Variants in SLC12A8 observed in about 807,000 individuals in gnomAD.
SLC12A8 encodes solute carrier family 12 member 8.
Under a neutral mutation model 75.6 loss-of-function variants are expected in SLC12A8, and 69 were observed. That is an observed-to-expected ratio of 0.91 (90% confidence interval 0.75 to 1.11). SLC12A8 has a LOEUF of 1.11. SLC12A8 is among the 50% of genes most tolerant of loss of function. The pLI, the probability that SLC12A8 is intolerant of heterozygous loss-of-function variation, is 0.00. For synonymous variants in SLC12A8, 365 were observed against 372.8 expected (o/e 0.98, Z 0.24); for missense variants, 877 against 896.7 (o/e 0.98, Z 0.28).
intron 3 of SLC12A8, among the ~76,000 whole-genome samples, chr3:125,189,355 A>G (rs1934863041): frequency 6.6e-6 from 1 of 152,162 alleles, no homozygotes; most frequent in Non-Finnish European, 1.5e-5. Context: ...GAGAATCCTG[A>G]CTAGTAGATT....
At chr3:125,133,362 C>G (rs80310502) in intron 6 of SLC12A8, among the ~76,000 whole-genome samples, 3 of 126,786 alleles carry the variant, frequency 2.4e-5, no homozygotes, top group African/African-American at 8.2e-5. Context: ...CACACACACA[C>G]GCACACACAC....
intron 13 of SLC12A8, among the ~76,000 whole-genome samples, chr3:125,086,429 G>A (rs116654019): frequency 6.6e-6 from 1 of 152,072 alleles, no homozygotes; most frequent in Non-Finnish European, 1.5e-5. Flanking sequence ...GACCTCCAAG[G>A]TGAAATCCTA....
At position 125,134,451 on chromosome 3, in the gene SLC12A8, C is replaced by T. The variant is rs140640900; in HGVS notation, c.736+1218G>A. On this transcript the variant is annotated intron_variant, in intron 6 of 13. Coordinates refer to ENST00000469902, the MANE Select transcript of SLC12A8 (RefSeq NM_024628.6). ...TATTGAGTGGTTTTCTATTGTGTGGCTACATCATAGTTTATTTATGCACTC... is the reference window on the plus strand; with the variant it reads ...TATTGAGTGGTTTTCTATTGTGTGGTTACATCATAGTTTATTTATGCACTC... 1.3e-3 allele frequency among the ~76,000 whole-genome samples: 199 copies of T among 152,252 alleles called. 2 individuals carry two copies. The highest frequency in any genetic ancestry group is 3.9e-4 in the East Asian group (2 of 5,188).
chr3:125,110,138 T>C (rs747098760), intron 9 of SLC12A8, 51 bp downstream of exon 9: 10 of 1,580,920 alleles, frequency 6.3e-6, no homozygotes, highest in Non-Finnish European at 8.6e-6. Context: ...ACAGTGAGGT[T>C]AGCAGCAAAA....
At chr3:125,107,440 T>C (rs776240531) in intron 10 of SLC12A8, 41 bp downstream of exon 10, 11 of 1,547,060 alleles carry the variant, frequency 7.1e-6, no homozygotes, top group Admixed American at 3.7e-5. Flanking sequence ...TCAGTGGTCA[T>C]CCCCAAATAA....
At chr3:125,144,379 G>A (rs1388773688) in intron 5 of SLC12A8, among the ~76,000 whole-genome samples, 1 of 152,200 alleles carries the variant, frequency 6.6e-6, no homozygotes, top group Non-Finnish European at 1.5e-5. Flanking sequence ...GTCCAAGGCT[G>A]CAGGGAGTCT....
At chr3:125,158,750 T>C (rs1185982071) in intron 5 of SLC12A8, among the ~76,000 whole-genome samples, 2 of 152,086 alleles carry the variant, frequency 1.3e-5, no homozygotes. Flanking sequence ...AAATTCACAG[T>C]TTCTGACTGC....
rs34477615 is a variant in SLC12A8 at position 125,155,847 on chromosome 3, C to CA, written c.623-20066dup. Among the ~76,000 whole-genome samples, 202 of 101,866 alleles carry CA rather than the reference C, an allele frequency of 2.0e-3. 2 individuals are homozygous for CA. Among genetic ancestry groups the CA allele is most frequent in the African/African-American group, 4.4e-3 (112 of 25,468 alleles). 66.8% of individuals were successfully genotyped at this position (101,866 alleles called of 152,430 possible). ...CTTAATCATTATTGCTTACTCTTGC[C>CA]AAAAAAAAAAAAAAAACCCAACTTC... is the stretch of plus-strand genomic sequence containing the variant. On this transcript the variant is annotated intron_variant, in intron 5 of 13. Coordinates refer to ENST00000469902, the MANE Select transcript of SLC12A8 (RefSeq NM_024628.6).
At chr3:125,092,497 G>C (rs1249333239) in intron 10 of SLC12A8, among the ~76,000 whole-genome samples, 2 of 152,156 alleles carry the variant, frequency 1.3e-5, no homozygotes, top group Admixed American at 6.5e-5. Context: ...CTCTTTTTCA[G>C]ATGTAAGGTG....
At chr3:125,103,795 C>T (rs1303325750) in intron 10 of SLC12A8, among the ~76,000 whole-genome samples, 1 of 151,946 alleles carries the variant, frequency 6.6e-6, no homozygotes, top group Non-Finnish European at 1.5e-5. Context: ...ACTATACCCC[C>T]ACTAATTTTT....
chr3:125,108,230 A>T (rs886427908), intron 9 of SLC12A8, 104 bp from the exon 10 acceptor site: 3 of 1,109,826 alleles, frequency 2.7e-6, no homozygotes, highest in Admixed American at 2.7e-5. Flanking sequence ...TGACTCAGCC[A>T]CTTCTCCCCA....
At chr3:125,122,495 A>T (rs1933089820) in intron 6 of SLC12A8, among the ~76,000 whole-genome samples, 1 of 152,348 alleles carries the variant, frequency 6.6e-6, no homozygotes, top group Non-Finnish European at 1.5e-5. Flanking sequence ...GAGGACCCTA[A>T]GTAGATGAAA....
intron 5 of SLC12A8, among the ~76,000 whole-genome samples, chr3:125,149,195 G>A (rs1000716): frequency 0.2 from 31,076 of 152,142 alleles, 4,011 homozygotes; most frequent in African/African-American, 0.36. Flanking sequence ...GAGCAGACTC[G>A]GGGGTCGAAG....
chr3:125,128,472 G>A (rs1294325466), intron 6 of SLC12A8, among the ~76,000 whole-genome samples: 30 of 131,844 alleles, frequency 2.3e-4, no homozygotes, highest in Non-Finnish European at 3.0e-4. Context: ...GAGCCACCGC[G>A]CCCGGCCTTT....
At chr3:125,091,381 T>TC (rs899982926) in intron 12 of SLC12A8, 58 bp downstream of exon 12, 3 of 1,134,306 alleles carry the variant, frequency 2.6e-6, no homozygotes, top group Middle Eastern at 2.0e-4. Flanking sequence ...ATCTTTTTTT[T>TC]CCCAATGAAT....
chr3:125,100,268 G>T (rs575243981), intron 10 of SLC12A8, among the ~76,000 whole-genome samples: 1 of 152,258 alleles, frequency 6.6e-6, no homozygotes, highest in African/African-American at 2.4e-5. Context: ...CAAATTTGAT[G>T]AAAAACTTTA....
chr3:125,148,697 C>T (rs1037997361), intron 5 of SLC12A8, among the ~76,000 whole-genome samples: 3 of 152,180 alleles, frequency 2.0e-5, no homozygotes, highest in African/African-American at 7.2e-5. Flanking sequence ...TCTGCATGCC[C>T]ACTGTCAGCC....
Position 125,190,407 on chromosome 3 carries a change from C to A in SLC12A8, c.166G>T (p.Val56Phe), listed in dbSNP as rs766697973. The A allele has an allele frequency of 6.2e-7, 1 of 1,614,204 alleles. No homozygotes were observed. Among genetic ancestry groups the A allele is most frequent in the Non-Finnish European group, 8.5e-7 (1 of 1,180,028 alleles). Reference sequence around the variant, plus strand: ...CAGCCAGTCCTCAGGAAGAGCACAACCCCAAAGATGTTGATCATGCAGGAT... The same window carrying A: ...CAGCCAGTCCTCAGGAAGAGCACAAACCCAAAGATGTTGATCATGCAGGAT... Reference protein sequence around the residue: ...FTSCMINIFGVVLFLRTGWLV... With the variant: ...FTSCMINIFGFVLFLRTGWLV... The change falls in exon 3 of 14, where the codon GTT becomes TTT. Residue 56 changes from valine (V) to phenylalanine (F), a missense_variant. By Grantham distance (50) the Val-to-Phe change is conservative (BLOSUM62 -1). Coordinates refer to ENST00000469902, the MANE Select transcript of SLC12A8 (RefSeq NM_024628.6).
intron 5 of SLC12A8, among the ~76,000 whole-genome samples, chr3:125,166,432 C>T (rs777222590): frequency 2.0e-5 from 3 of 152,170 alleles, no homozygotes; most frequent in East Asian, 3.8e-4. Context: ...GGCCAGTTTC[C>T]GTATTGGGAC....
Sources: allele counts gnomAD v4.1 joint callset (sites outside exome capture counted in the v4.1 genomes callset), GRCh38; gene constraint gnomAD v4.1.1; transcripts MANE v1.5; gene names NCBI Gene and HGNC (gene_info 2026-07-23, HGNC 2026-07-21).